The following CADM2 variants were observed in gnomAD, a reference collection of about 807,000 sequenced individuals.
The protein encoded by CADM2 is cell adhesion molecule 2, also known as immunoglobulin superfamily member 4D.
Under a neutral mutation model 49.8 loss-of-function variants are expected in CADM2, and 12 were observed. The observed-to-expected ratio is 0.24, with a 90% CI of 0.15 to 0.39. The LOEUF is 0.39. Among genes scored for constraint, CADM2 ranks in the 10% least tolerant of loss-of-function variants. CADM2 has a pLI of 1.00. For synonymous variants in CADM2, 214 were observed against 175.4 expected (o/e 1.22, Z -1.74); for missense variants, 378 against 492.3 (o/e 0.77, Z 2.20).
At chr3:86,053,320 C>A (rs1222271262) in intron 8 of CADM2, among the ~76,000 whole-genome samples, 7 of 152,066 alleles carry the variant, frequency 4.6e-5, no homozygotes, top group Admixed American at 4.6e-4. Flanking sequence ...TTCTACATTA[C>A]CTTTTGGGTC....
chr3:85,442,588 GTATATATATATATATATA>G (rs55882841), intron 1 of CADM2, among the ~76,000 whole-genome samples: 7,552 of 120,748 alleles, frequency 0.063, 274 homozygotes, highest in East Asian at 0.09. Context: ...TTATATATGA[GTATATATATATATATATA>G]TATATATATA....
chr3:85,036,997 G>GAA (rs10566030), intron 1 of CADM2, among the ~76,000 whole-genome samples: 50 of 77,978 alleles, frequency 6.4e-4, no homozygotes, highest in African/African-American at 1.5e-3. Flanking sequence ...ACTAAAAATA[G>GAA]AAAAAAAAAA....
intron 1 of CADM2, among the ~76,000 whole-genome samples, chr3:85,421,431 A>G (rs915243901): frequency 2.0e-5 from 3 of 152,190 alleles, no homozygotes; most frequent in African/African-American, 7.2e-5. Flanking sequence ...TTTAACGTGT[A>G]GAAATTAATT....
intron 2 of CADM2, among the ~76,000 whole-genome samples, chr3:85,758,712 G>C (rs1022746826): frequency 1.3e-5 from 2 of 152,110 alleles, no homozygotes; most frequent in African/African-American, 4.8e-5. Context: ...CAATGTAGCA[G>C]TAATCTCACC....
At chr3:85,396,819 G>A (rs1181072568) in intron 1 of CADM2, among the ~76,000 whole-genome samples, 2 of 151,940 alleles carry the variant, frequency 1.3e-5, no homozygotes, top group African/African-American at 4.8e-5. Context: ...ACTTTTAGAA[G>A]AAAATTTTCA....
At chr3:85,821,236 C>T (rs1199761146) in intron 3 of CADM2, among the ~76,000 whole-genome samples, 1 of 152,072 alleles carries the variant, frequency 6.6e-6, no homozygotes, top group Non-Finnish European at 1.5e-5. Flanking sequence ...GAAAGCTTTG[C>T]TCTCTTTTCC....
At chr3:85,241,139 C>T (rs2042521286) in intron 1 of CADM2, among the ~76,000 whole-genome samples, 1 of 151,364 alleles carries the variant, frequency 6.6e-6, no homozygotes, top group African/African-American at 2.4e-5. Flanking sequence ...ATGTAATAGA[C>T]TTAACCTACT....
At chr3:85,992,132 A>C (rs1728849424) in intron 8 of CADM2, 1 of 151,954 alleles carries the variant, frequency 6.6e-6, no homozygotes, top group South Asian at 2.1e-4. Context: ...AACAAAATAA[A>C]AAAGAGACTT....
chr3:85,800,111 G>C lies in CADM2; in HGVS notation c.89-1936G>C, dbSNP rs1597213. 36,820 of 152,164 alleles carry C rather than the reference G, an allele frequency of 0.24. 5,251 individuals carry two copies. Among genetic ancestry groups the C allele is most frequent in the African/African-American group, 0.38 (15,692 of 41,470 alleles). 9.4% of individuals were successfully genotyped at this position (152,164 alleles called of 1,614,324 possible). ...GAGAGGAGGAATCTAGAGAGGCAGT[G>C]TGGAAACAGAGGATTTTTGTCGCTG... is the stretch of plus-strand genomic sequence containing the variant. On this transcript the variant is annotated intron_variant, in intron 2 of 9. Transcript: ENST00000383699.
intron 5 of CADM2, among the ~76,000 whole-genome samples, chr3:85,906,826 A>G (rs1716868755): frequency 6.6e-6 from 1 of 152,232 alleles, no homozygotes; most frequent in Non-Finnish European, 1.5e-5. Flanking sequence ...TGAACATTAA[A>G]GAAAAGTGTT....
chr3:85,206,311 C>CT (rs546784330), intron 1 of CADM2, among the ~76,000 whole-genome samples: 1,723 of 130,138 alleles, frequency 0.013, 29 homozygotes, highest in African/African-American at 0.037. Context: ...TTTTTCTTTT[C>CT]TTTTTTTTTT....
chr3:85,368,736 C>T (rs745858590), intron 1 of CADM2, among the ~76,000 whole-genome samples: 23 of 151,900 alleles, frequency 1.5e-4, no homozygotes, highest in African/African-American at 2.2e-4. Context: ...AAAAATAATA[C>T]GTTTCTAACT....
chr3:86,058,398 C>T (rs1738243110), intron 8 of CADM2, among the ~76,000 whole-genome samples: 1 of 152,004 alleles, frequency 6.6e-6, no homozygotes, highest in Non-Finnish European at 1.5e-5. Flanking sequence ...TTCTTCTAAG[C>T]CATTTCAGAG....
At chr3:85,121,699 T>C (rs1260918723) in intron 1 of CADM2, among the ~76,000 whole-genome samples, 1 of 152,198 alleles carries the variant, frequency 6.6e-6, no homozygotes, top group Non-Finnish European at 1.5e-5. Context: ...TCATCAGTAA[T>C]ATTACCTATC....
intron 2 of CADM2, among the ~76,000 whole-genome samples, chr3:85,792,743 G>T (rs978142711): frequency 6.6e-6 from 1 of 152,208 alleles, no homozygotes; most frequent in African/African-American, 2.4e-5. Flanking sequence ...AGGCTTGAAT[G>T]ATGTTATTTT....
intron 1 of CADM2, among the ~76,000 whole-genome samples, chr3:85,255,020 A>G (rs1032526721): frequency 6.6e-6 from 1 of 152,132 alleles, no homozygotes; most frequent in African/African-American, 2.4e-5. Context: ...TTTGGTAAAC[A>G]TAGGATGAAA....
chr3:85,968,181 G>A (rs1043010557), intron 8 of CADM2, among the ~76,000 whole-genome samples: 2 of 151,450 alleles, frequency 1.3e-5, no homozygotes, highest in Non-Finnish European at 3.0e-5. Flanking sequence ...TTCTTTAATC[G>A]CTGAGATAAA....
chr3:85,508,128 T>C (rs2040439889), intron 1 of CADM2, among the ~76,000 whole-genome samples: 1 of 152,186 alleles, frequency 6.6e-6, no homozygotes, highest in African/African-American at 2.4e-5. Context: ...ATCTTGGACT[T>C]GCCTTCATGG....
At chr3:85,291,236 GA>G (rs1262951298) in intron 1 of CADM2, among the ~76,000 whole-genome samples, 1 of 151,896 alleles carries the variant, frequency 6.6e-6, no homozygotes, top group Non-Finnish European at 1.5e-5. Flanking sequence ...GAAGTTTAGA[GA>G]AAAAAGAATA....
Sources: allele counts gnomAD v4.1 joint callset (sites outside exome capture counted in the v4.1 genomes callset), GRCh38; gene constraint gnomAD v4.1.1; transcripts MANE v1.5; gene names NCBI Gene and HGNC (gene_info 2026-07-23, HGNC 2026-07-21).